MYO5B: variants seen among roughly 807,000 people sequenced by gnomAD.
MYO5B encodes the protein unconventional myosin-Vb.
A neutral mutation model predicts 229.3 loss-of-function variants in MYO5B; 143 were observed. The ratio of observed to expected loss-of-function variants is 0.62; its 90% CI spans 0.54 to 0.72. MYO5B has a LOEUF of 0.72. Among genes scored for constraint, MYO5B ranks in the 30% least tolerant of loss-of-function variants. MYO5B has a pLI of 0.00. For missense variants in MYO5B, 2,321 were observed against 2,331.0 expected, an observed-to-expected ratio of 1.00 and a Z score of 0.09; for synonymous variants, 918 against 885.2, an observed-to-expected ratio of 1.04 and a Z score of -0.66.
chr18:50,022,330 A>G (rs921993828), intron 4 of MYO5B, among the ~76,000 whole-genome samples: 5 of 152,236 alleles, frequency 3.3e-5, no homozygotes, highest in African/African-American at 1.2e-4. Context: ...TGGCAATTAA[A>G]TAACATTCAT....
chr18:50,169,603 G>T (rs1269290379), intron 1 of MYO5B, among the ~76,000 whole-genome samples: 1 of 127,530 alleles, frequency 7.8e-6, no homozygotes, highest in East Asian at 2.3e-4. Context: ...GAAATACTGA[G>T]GAAACGTTCC....
At chr18:49,928,220 G>A (rs1179727828) in intron 17 of MYO5B, among the ~76,000 whole-genome samples, 3 of 151,308 alleles carry the variant, frequency 2.0e-5, no homozygotes, top group African/African-American at 7.4e-5. Flanking sequence ...GGCCATAACT[G>A]AAAAATCAAA....
chr18:49,904,927 GTGGCCCTACC>G (rs2024883024), intron 19 of MYO5B, 99 bp from the exon 20 acceptor site: 3 of 1,446,248 alleles, frequency 2.1e-6, no homozygotes, highest in Non-Finnish European at 2.8e-6. Flanking sequence ...CTCTCCCTCT[GTGGCCCTACC>G]TGGACACACC....
chr18:50,092,617 T>C (rs1037882159), intron 1 of MYO5B, among the ~76,000 whole-genome samples: 6 of 152,068 alleles, frequency 3.9e-5, no homozygotes, highest in Middle Eastern at 3.2e-3. Context: ...CTGGAAGAGG[T>C]TGGTCAGCTG....
At chr18:50,140,429 G>A (rs1406221301) in intron 1 of MYO5B, among the ~76,000 whole-genome samples, 2 of 152,186 alleles carry the variant, frequency 1.3e-5, no homozygotes, top group Non-Finnish European at 2.9e-5. Flanking sequence ...GAAGTCTCAG[G>A]TTCCTGGGGC....
At chr18:50,007,577 G>A (rs1335382357) in intron 4 of MYO5B, among the ~76,000 whole-genome samples, 1 of 152,174 alleles carries the variant, frequency 6.6e-6, no homozygotes, top group Non-Finnish European at 1.5e-5. Flanking sequence ...GGGGGACCGA[G>A]CACCTCTCTC....
intron 18 of MYO5B, 22 bp downstream of exon 18, chr18:49,912,040 G>A: frequency 1.3e-6 from 2 of 1,595,660 alleles, no homozygotes; most frequent in Non-Finnish European, 1.7e-6. Context: ...GGCCTCTCCT[G>A]GAGCTGGGCT....
chr18:50,016,782 T>C (rs1231797255), intron 4 of MYO5B, among the ~76,000 whole-genome samples: 1 of 151,782 alleles, frequency 6.6e-6, no homozygotes, highest in African/African-American at 2.4e-5. Flanking sequence ...CCCACACCCA[T>C]TACCAGTTGC....
intron 29 of MYO5B, 100 bp from the exon 30 acceptor site, chr18:49,856,990 A>C (rs1026849962): frequency 2.8e-5 from 29 of 1,040,522 alleles, no homozygotes; most frequent in Non-Finnish European, 4.0e-5. Context: ...CAAGGTTTGG[A>C]AACGAAAAAA....
At chr18:50,166,275 C>T (rs1461833740) in intron 1 of MYO5B, among the ~76,000 whole-genome samples, 1 of 152,176 alleles carries the variant, frequency 6.6e-6, no homozygotes, top group Non-Finnish European at 1.5e-5. Context: ...CTCATCCTAA[C>T]CTTGTCCCCA....
At chr18:49,883,556 A>G (rs1302368739) in intron 22 of MYO5B, among the ~76,000 whole-genome samples, 1 of 152,216 alleles carries the variant, frequency 6.6e-6, no homozygotes, top group Non-Finnish European at 1.5e-5. Flanking sequence ...ACACTCCTCA[A>G]ATTCATCTAC....
At chr18:49,939,547 A>G (rs755275680) in intron 14 of MYO5B, among the ~76,000 whole-genome samples, 1 of 152,174 alleles carries the variant, frequency 6.6e-6, no homozygotes, top group Non-Finnish European at 1.5e-5. Context: ...ACAAATGTAA[A>G]GGTCAACTTT....
At chr18:49,927,042 C>A (rs2025135920) in intron 17 of MYO5B, among the ~76,000 whole-genome samples, 1 of 152,166 alleles carries the variant, frequency 6.6e-6, no homozygotes, top group Admixed American at 6.5e-5. Flanking sequence ...GTTAATGCCG[C>A]AGTTTCAGTT....
intron 8 of MYO5B, among the ~76,000 whole-genome samples, chr18:49,982,942 C>T (rs535670247): frequency 3.3e-5 from 5 of 152,310 alleles, no homozygotes; most frequent in African/African-American, 1.2e-4. Context: ...CTTATATCAG[C>T]TTGTGCCCAC....
At chr18:50,121,427 A>T (rs1353760835) in intron 1 of MYO5B, among the ~76,000 whole-genome samples, 1 of 152,240 alleles carries the variant, frequency 6.6e-6, no homozygotes, top group African/African-American at 2.4e-5. Flanking sequence ...GTCTTTCTAA[A>T]CAAACTTAGC....
chr18:50,083,510 A>G (rs985164567), intron 1 of MYO5B, among the ~76,000 whole-genome samples: 97 of 152,320 alleles, frequency 6.4e-4, no homozygotes, highest in African/African-American at 2.2e-3. Flanking sequence ...AGAGATTCCC[A>G]GGGTTTTAGG....
At chr18:49,997,416 T>G (rs1288442565) in intron 5 of MYO5B, among the ~76,000 whole-genome samples, 1 of 134,164 alleles carries the variant, frequency 7.5e-6, no homozygotes, top group East Asian at 2.3e-4. Context: ...TCCCTCTTGT[T>G]GCCCAGGCTG....
At chr18:49,855,980 T>C (rs1452733674) in intron 30 of MYO5B, among the ~76,000 whole-genome samples, 1 of 152,210 alleles carries the variant, frequency 6.6e-6, no homozygotes, top group East Asian at 1.9e-4. Context: ...TACCAGTCCA[T>C]CTCTTGTTGA....
At chr18:50,022,875 T>A (rs2026291988) in intron 4 of MYO5B, among the ~76,000 whole-genome samples, 1 of 152,058 alleles carries the variant, frequency 6.6e-6, no homozygotes, top group African/African-American at 2.4e-5. Context: ...TTTAAGGGAA[T>A]CCCCGGACCA....
Sources: allele counts gnomAD v4.1 joint callset (sites outside exome capture counted in the v4.1 genomes callset), GRCh38; gene constraint gnomAD v4.1.1; transcripts MANE v1.5; gene names NCBI Gene and HGNC (gene_info 2026-07-23, HGNC 2026-07-21).